SERINC5: variants seen among roughly 807,000 people sequenced by gnomAD.
SERINC5 encodes the protein chromosome 5 open reading frame 12.
In SERINC5, 41 loss-of-function variants were observed where a neutral mutation model predicts 63.1. The ratio of observed to expected loss-of-function variants is 0.65; its 90% CI spans 0.51 to 0.84. The LOEUF (loss-of-function observed/expected upper bound fraction) is 0.84. SERINC5 is among the 40% of genes least tolerant of loss of function. SERINC5 has a pLI of 0.00. For missense variants in SERINC5, 523 were observed against 573.0 expected, an observed-to-expected ratio of 0.91 and a Z score of 0.89; for synonymous variants, 222 against 215.2, an observed-to-expected ratio of 1.03 and a Z score of -0.28.
chr5:80,228,749 C>T (rs563345077), intron 1 of SERINC5, among the ~76,000 whole-genome samples: 2 of 152,186 alleles, frequency 1.3e-5, no homozygotes, highest in South Asian at 4.2e-4. Context: ...TTTTAAGTTG[C>T]CTAAATTCTC....
At chr5:80,185,707 G>T (rs549473183) in intron 2 of SERINC5, among the ~76,000 whole-genome samples, 2 of 152,188 alleles carry the variant, frequency 1.3e-5, no homozygotes, top group African/African-American at 4.8e-5. Flanking sequence ...AATGGGAGTC[G>T]CAAGGTGCTC....
At chr5:80,145,552 A>G (rs1194698405) in intron 11 of SERINC5, among the ~76,000 whole-genome samples, 1 of 152,116 alleles carries the variant, frequency 6.6e-6, no homozygotes, top group Admixed American at 6.5e-5. Flanking sequence ...GATACACAAA[A>G]TTTGAAGTAG....
At position 80,222,561 on chromosome 5, in the gene SERINC5, A is replaced by AGTGTGTGTGTGTGTGTGTGT. The variant is rs752186814; in HGVS notation, c.28-19509_28-19508insACACACACACACACACACAC. 9.5e-4 allele frequency among the ~76,000 whole-genome samples: 139 copies of AGTGTGTGTGTGTGTGTGTGT among 146,312 alleles called. 1 individual carries two copies. Among genetic ancestry groups the AGTGTGTGTGTGTGTGTGTGT allele is most frequent in the Middle Eastern group, 3.5e-3 (1 of 284 alleles). On this transcript the variant is annotated intron_variant, in intron 1 of 11. Transcript: ENST00000507668. The stretch of plus-strand genomic sequence containing the variant: ...TGGGTTTTTTGTGGGTGAGTGTGTG[A>AGTGTGTGTGTGTGTGTGTGT]GTGTGTGAGTGTGTGTGTGTGTGTG...
chr5:80,116,675 C>T (rs1361832785), intron 11 of SERINC5, among the ~76,000 whole-genome samples: 1 of 152,014 alleles, frequency 6.6e-6, no homozygotes, highest in Non-Finnish European at 1.5e-5. Flanking sequence ...GGCAGCCCAA[C>T]CATATGTTCA....
chr5:80,147,794 C>T (rs1745917421), intron 9 of SERINC5, among the ~76,000 whole-genome samples: 1 of 152,112 alleles, frequency 6.6e-6, no homozygotes, highest in African/African-American at 2.4e-5. Flanking sequence ...TGACAAGAGC[C>T]CCACTCTCCT....
intron 4 of SERINC5, 91 bp from the exon 5 acceptor site, chr5:80,175,138 C>A: frequency 1.3e-6 from 1 of 745,690 alleles, no homozygotes. Flanking sequence ...ACTAGATGAT[C>A]AGTGTACCTA....
chr5:80,160,919 T>C (rs1486053819), intron 7 of SERINC5, among the ~76,000 whole-genome samples: 3 of 148,006 alleles, frequency 2.0e-5, no homozygotes, highest in Non-Finnish European at 4.4e-5. Flanking sequence ...TAGATATATA[T>C]ATGTGTGTGT....
At position 80,138,823 on chromosome 5, in the gene SERINC5, T is replaced by C; in HGVS notation, c.*4840A>G. 7 of 984,516 alleles carry C rather than the reference T, an allele frequency of 7.1e-6. No homozygotes were observed. Among genetic ancestry groups the C allele is most frequent in the Non-Finnish European group, 8.4e-6 (7 of 829,176 alleles). 61.0% of individuals were successfully genotyped at this position (984,516 alleles called of 1,614,324 possible). A position where few individuals can be genotyped will look rare whatever the true frequency, so the allele number is the denominator to read the frequency against. ...ACCTGATTAACATCTGAAGGCAACATCTCTGCAAAACAACTAACTTGAGTA... is the reference window on the plus strand; with the variant it reads ...ACCTGATTAACATCTGAAGGCAACACCTCTGCAAAACAACTAACTTGAGTA... On this transcript the variant is annotated 3_prime_UTR_variant, in exon 12 of 12. Transcript: ENST00000507668.
intron 11 of SERINC5, among the ~76,000 whole-genome samples, chr5:80,145,645 G>T (rs1745769224): frequency 6.6e-6 from 1 of 152,132 alleles, no homozygotes; most frequent in Non-Finnish European, 1.5e-5. Flanking sequence ...ATGTTTTCCA[G>T]ACTGTCCATA....
chr5:80,215,653 T>G (rs6863905), intron 1 of SERINC5, among the ~76,000 whole-genome samples: 28,079 of 152,018 alleles, frequency 0.18, 3,184 homozygotes, highest in African/African-American at 0.32. Flanking sequence ...GCAGCAGTAT[T>G]GTGGGGACTG....
At chr5:80,241,231 G>A (rs2112590393) in intron 1 of SERINC5, among the ~76,000 whole-genome samples, 1 of 149,592 alleles carries the variant, frequency 6.7e-6, no homozygotes, top group South Asian at 2.1e-4. Flanking sequence ...AGCACTTTGG[G>A]AGGCCAAGGT....
chr5:80,226,674 G>A (rs548624549), intron 1 of SERINC5, among the ~76,000 whole-genome samples: 12 of 152,190 alleles, frequency 7.9e-5, no homozygotes, highest in Middle Eastern at 3.4e-3. Flanking sequence ...TCCCACCACC[G>A]TTCCGAAAGC....
At chr5:80,190,724 C>A (rs1249539484) in intron 2 of SERINC5, among the ~76,000 whole-genome samples, 1 of 152,104 alleles carries the variant, frequency 6.6e-6, no homozygotes, top group East Asian at 1.9e-4. Flanking sequence ...GACATTAGGA[C>A]CTAATGTTCC....
At chr5:80,125,896 G>T (rs529200534) in intron 11 of SERINC5, among the ~76,000 whole-genome samples, 1 of 152,288 alleles carries the variant, frequency 6.6e-6, no homozygotes, top group South Asian at 2.1e-4. Flanking sequence ...GATCGAGAGA[G>T]AAATTAATTC....
chr5:80,230,223 C>T (rs1302400680), intron 1 of SERINC5, among the ~76,000 whole-genome samples: 1 of 152,118 alleles, frequency 6.6e-6, no homozygotes, highest in African/African-American at 2.4e-5. Flanking sequence ...GCAATCCCAG[C>T]ACTTTGGGAG....
intron 1 of SERINC5, among the ~76,000 whole-genome samples, chr5:80,255,438 G>T (rs1752614091): frequency 6.6e-6 from 1 of 152,254 alleles, no homozygotes; most frequent in Admixed American, 6.5e-5. Context: ...GATGCCAAGC[G>T]CAACCTGCCT....
intron 2 of SERINC5, among the ~76,000 whole-genome samples, chr5:80,197,310 A>T (rs879706701): frequency 0.012 from 12 of 1,022 alleles, no homozygotes; most frequent in Admixed American, 0.071. Flanking sequence ...TCCATCTGTG[A>T]GAGAGAGAGA....
chr5:80,138,795 G>A lies in SERINC5; in HGVS notation c.*4868C>T, dbSNP rs1745330133. On this transcript the variant is annotated 3_prime_UTR_variant, in exon 12 of 12. Coordinates refer to ENST00000507668, the MANE Select transcript of SERINC5 (RefSeq NM_001174072.3). ...TCAGCATAGACTCCATGAAACTTGA[G>A]AGACCTGATTAACATCTGAAGGCAA... The A allele has an allele frequency of 2.0e-6, 2 of 983,842 alleles. No individual in the cohort carries two copies. The highest frequency in any genetic ancestry group is 3.5e-5 in the African/African-American group (2 of 57,280). 60.9% of individuals were successfully genotyped at this position (983,842 alleles called of 1,614,324 possible). A position where few individuals can be genotyped will look rare whatever the true frequency, so the allele number is the denominator to read the frequency against.
At chr5:80,210,599 C>T (rs755835686) in intron 1 of SERINC5, among the ~76,000 whole-genome samples, 90 of 152,106 alleles carry the variant, frequency 5.9e-4, no homozygotes, top group Non-Finnish European at 8.5e-4. Context: ...ACAAGAAGGC[C>T]AAACATATTA....
Sources: allele counts gnomAD v4.1 joint callset (sites outside exome capture counted in the v4.1 genomes callset), GRCh38; gene constraint gnomAD v4.1.1; transcripts MANE v1.5; gene names NCBI Gene and HGNC (gene_info 2026-07-23, HGNC 2026-07-21).